IRAK1BP1: variants seen among roughly 807,000 people sequenced by gnomAD.
IRAK1BP1 encodes interleukin 1 receptor associated kinase 1 binding protein 1, also known as interleukin-1 receptor-associated kinase 1-binding protein 1.
IRAK1BP1 carries 24 observed loss-of-function variants against 28.0 expected under a neutral mutation model. The observed-to-expected ratio is 0.86, with a 90% CI of 0.62 to 1.20. The LOEUF is 1.20. Among genes scored for constraint, IRAK1BP1 ranks in the 50% most tolerant of loss-of-function variants. The pLI is 0.00. For missense variants in IRAK1BP1, 336 were observed against 316.7 expected (o/e 1.06, Z -0.46); for synonymous variants, 131 against 116.3 (o/e 1.13, Z -0.81).
At chr6:78,909,181 G>A (rs1772340155) in intron 4 of IRAK1BP1, among the ~76,000 whole-genome samples, 1 of 152,168 alleles carries the variant, frequency 6.6e-6, no homozygotes. Flanking sequence ...CAACTTTATG[G>A]TGGTGCAAAA....
intron 4 of IRAK1BP1, among the ~76,000 whole-genome samples, chr6:78,942,930 A>C (rs777125283): frequency 6.6e-6 from 1 of 152,220 alleles, no homozygotes. Flanking sequence ...CTTAAAAAGG[A>C]ATTCAGAAGT....
chr6:78,906,595 G>C (rs915442613), downstream of IRAK1BP1, among the ~76,000 whole-genome samples: 37 of 152,164 alleles, frequency 2.4e-4, no homozygotes, highest in African/African-American at 8.2e-4. Flanking sequence ...AGTACATGGA[G>C]TGTTACAATT....
chr6:78,930,421 TAA>T (rs1562102332), intron 4 of IRAK1BP1, among the ~76,000 whole-genome samples: 2 of 152,320 alleles, frequency 1.3e-5, no homozygotes, highest in Non-Finnish European at 2.9e-5. Flanking sequence ...ATATTTTTAA[TAA>T]AAGTGTTCAT....
the IRAK1BP1 span, among the ~76,000 whole-genome samples, chr6:78,974,049 C>G: frequency 6.6e-6 from 1 of 152,172 alleles, no homozygotes; most frequent in Non-Finnish European, 1.5e-5. Context: ...GCAGAACTCT[C>G]CACCTCAAAT....
At position 78,900,613 on chromosome 6, in the gene IRAK1BP1, C is replaced by T. The variant is rs1772061834; in HGVS notation, c.*2279C>T. 1 of 152,126 alleles carries T rather than the reference C, an allele frequency of 6.6e-6. No homozygotes were observed. The highest frequency in any genetic ancestry group is 1.5e-5 in the Non-Finnish European group (1 of 68,040). 9.4% of individuals were successfully genotyped at this position (152,126 alleles called of 1,614,324 possible). ...GTCTTGTTCACAGTTGTGTTCCCAGCCCCAGAGGTAGTCTCAGGGCCAATA... is the reference window on the plus strand; with the variant it reads ...GTCTTGTTCACAGTTGTGTTCCCAGTCCCAGAGGTAGTCTCAGGGCCAATA... On this transcript the variant is annotated 3_prime_UTR_variant, in exon 4 of 4. Coordinates refer to ENST00000369940, the MANE Select transcript of IRAK1BP1 (RefSeq NM_001010844.4).
At chr6:78,922,935 G>A (rs1295216965) in intron 4 of IRAK1BP1, among the ~76,000 whole-genome samples, 2 of 152,122 alleles carry the variant, frequency 1.3e-5, no homozygotes. Flanking sequence ...ACTAAACATG[G>A]AAAGGAACAA....
intron 4 of IRAK1BP1, among the ~76,000 whole-genome samples, chr6:78,918,304 A>AC (rs1223525669): frequency 6.6e-6 from 1 of 152,076 alleles, no homozygotes; most frequent in African/African-American, 2.4e-5. Context: ...CTCAAAAAAA[A>AC]ATTATTTTTA....
At chr6:78,963,075 A>T in the IRAK1BP1 span, 1 of 1,553,272 alleles carries the variant, frequency 6.4e-7, no homozygotes. Context: ...TTTTTTCTAT[A>T]CTCGCGTGTT....
chr6:78,911,673 CTATT>C (rs1488833918), intron 4 of IRAK1BP1, among the ~76,000 whole-genome samples: 2 of 152,162 alleles, frequency 1.3e-5, no homozygotes, highest in African/African-American at 4.8e-5. Flanking sequence ...ACTACTGTAG[CTATT>C]TAGTTACCTA....
chr6:78,962,514 A>G, the IRAK1BP1 span, among the ~76,000 whole-genome samples: 3 of 152,090 alleles, frequency 2.0e-5, no homozygotes, highest in African/African-American at 7.2e-5. Context: ...CTTCTTACTC[A>G]TGTTAATTTC....
chr6:78,890,414 TAAAA>T (rs35606311), intron 2 of IRAK1BP1, among the ~76,000 whole-genome samples: 8 of 143,000 alleles, frequency 5.6e-5, no homozygotes, highest in African/African-American at 1.6e-4. Context: ...AAGTATAAGT[TAAAA>T]AAAAAAAAAG....
At chr6:78,946,571 C>A, downstream of IRAK1BP1, 1 of 1,394,076 alleles carries the variant, frequency 7.2e-7, no homozygotes, top group South Asian at 1.7e-5. Context: ...ATTAAAAATC[C>A]TCCACATCAT....
At chr6:78,963,021 GTT>G in the IRAK1BP1 span, 1 of 1,373,510 alleles carries the variant, frequency 7.3e-7, no homozygotes, top group Non-Finnish European at 9.8e-7. Context: ...AAAAATTTTT[GTT>G]GGAGAATAAC....
intron 2 of IRAK1BP1, among the ~76,000 whole-genome samples, chr6:78,892,309 C>T (rs1335079573): frequency 6.6e-6 from 1 of 152,086 alleles, no homozygotes; most frequent in African/African-American, 2.4e-5. Flanking sequence ...TGATTATCTC[C>T]CTTATTCTAG....
chr6:78,972,489 AC>A, the IRAK1BP1 span, among the ~76,000 whole-genome samples: 1 of 152,262 alleles, frequency 6.6e-6, no homozygotes, highest in Non-Finnish European at 1.5e-5. Flanking sequence ...CTCCAAAGGA[AC>A]ACAGCTCCTC....
downstream of IRAK1BP1, among the ~76,000 whole-genome samples, chr6:78,949,061 C>T (rs928598970): frequency 7.9e-5 from 12 of 152,114 alleles, no homozygotes; most frequent in Non-Finnish European, 1.6e-4. Flanking sequence ...TTCAGTCATT[C>T]CTAATTCTTA....
chr6:78,896,296 T>G (rs1034855953), intron 2 of IRAK1BP1, among the ~76,000 whole-genome samples: 1 of 151,044 alleles, frequency 6.6e-6, no homozygotes, highest in African/African-American at 2.4e-5. Context: ...AGCATCTTTA[T>G]TTATAATAGC....
At chr6:78,911,896 G>A (rs1343297138) in intron 4 of IRAK1BP1, among the ~76,000 whole-genome samples, 1 of 152,154 alleles carries the variant, frequency 6.6e-6, no homozygotes, top group Non-Finnish European at 1.5e-5. Context: ...CCTTATTGTT[G>A]TTGTTGGTTT....
chr6:78,926,541 C>T (rs1288106701), intron 4 of IRAK1BP1, among the ~76,000 whole-genome samples: 1 of 151,932 alleles, frequency 6.6e-6, no homozygotes, highest in Admixed American at 6.6e-5. Context: ...TCATTTGTGT[C>T]ACAAATTATC....
Sources: gnomAD v4.1 joint callset for allele counts (sites outside exome capture counted in the v4.1 genomes callset) on GRCh38, gnomAD v4.1.1 for gene constraint, MANE v1.5 for transcripts, NCBI Gene and HGNC (gene_info 2026-07-23, HGNC 2026-07-21) for gene names.